METTL15: variants seen among roughly 807,000 people sequenced by gnomAD.
METTL15 encodes 12S rRNA N(4)-cytidine methyltransferase METTL15.
In METTL15, 34 loss-of-function variants were observed where a neutral mutation model predicts 38.3. The observed-to-expected ratio is 0.89, with a 90% CI of 0.68 to 1.18. METTL15 has a LOEUF of 1.18. METTL15 is among the 50% of genes most tolerant of loss of function. The pLI is 0.00. For missense variants in METTL15, 438 were observed against 498.4 expected, an observed-to-expected ratio of 0.88 and a Z score of 1.15; for synonymous variants, 162 against 170.9, an observed-to-expected ratio of 0.95 and a Z score of 0.41.
intron 4 of METTL15, among the ~76,000 whole-genome samples, chr11:28,280,197 T>C (rs1856001898): frequency 6.6e-6 from 1 of 151,198 alleles, no homozygotes; most frequent in Non-Finnish European, 1.5e-5. Context: ...GTATTTGTGA[T>C]TATTTTATTC....
At chr11:28,451,584 C>T (rs940963123) in intron 6 of METTL15, among the ~76,000 whole-genome samples, 16 of 131,578 alleles carry the variant, frequency 1.2e-4, no homozygotes, top group African/African-American at 4.5e-4. Context: ...GACTCCGTCT[C>T]AAAAAAAAAA....
At chr11:28,512,721 A>G (rs942838584) in intron 6 of METTL15, among the ~76,000 whole-genome samples, 1 of 151,448 alleles carries the variant, frequency 6.6e-6, no homozygotes, top group East Asian at 2.0e-4. Context: ...CTCCCTCCAC[A>G]CCCCCCTGCA....
intron 4 of METTL15, among the ~76,000 whole-genome samples, chr11:28,263,736 AAAC>A (rs1480235795): frequency 6.6e-6 from 1 of 152,054 alleles, no homozygotes; most frequent in Non-Finnish European, 1.5e-5. Context: ...GATTTAATGA[AAAC>A]AATAATTTTT....
intron 4 of METTL15, among the ~76,000 whole-genome samples, chr11:28,237,002 T>C (rs1854018309): frequency 6.6e-6 from 1 of 152,178 alleles, no homozygotes; most frequent in African/African-American, 2.4e-5. Context: ...CCTTTGTGGG[T>C]AACCCGATCT....
intron 3 of METTL15, among the ~76,000 whole-genome samples, chr11:28,174,814 C>CAAA (rs66770075): frequency 1.1e-5 from 1 of 91,242 alleles, no homozygotes; most frequent in Non-Finnish European, 2.4e-5. Context: ...GATTCTGTCT[C>CAAA]AAAAAAAAAA....
chr11:28,329,963 GA>G (rs752058644), intron 6 of METTL15, among the ~76,000 whole-genome samples: 7 of 151,996 alleles, frequency 4.6e-5, no homozygotes, highest in Non-Finnish European at 7.4e-5. Context: ...TTTATGTAAT[GA>G]ATTTTCTTTT....
chr11:28,239,869 A>G (rs374720859), intron 4 of METTL15, among the ~76,000 whole-genome samples: 111 of 152,248 alleles, frequency 7.3e-4, no homozygotes, highest in African/African-American at 2.4e-3. Flanking sequence ...ATACAACATC[A>G]CCCTTTGACA....
chr11:28,267,316 T>G (rs1205292596), intron 4 of METTL15, among the ~76,000 whole-genome samples: 3 of 152,254 alleles, frequency 2.0e-5, no homozygotes, highest in Middle Eastern at 3.4e-3. Context: ...GCCTCTGAAT[T>G]AAAGTCAGTG....
At chr11:28,475,437 C>T (rs139661967) in intron 6 of METTL15, among the ~76,000 whole-genome samples, 85 of 152,262 alleles carry the variant, frequency 5.6e-4, no homozygotes, top group African/African-American at 2.0e-3. Flanking sequence ...GAGTCCAGCC[C>T]CATTTCTAAA....
At chr11:28,408,230 T>C (rs1189221677) in intron 5 of METTL15, among the ~76,000 whole-genome samples, 1 of 152,088 alleles carries the variant, frequency 6.6e-6, no homozygotes, top group East Asian at 1.9e-4. Context: ...CGGTGATGAG[T>C]TGATAGGCGC....
intron 6 of METTL15, among the ~76,000 whole-genome samples, chr11:28,466,817 A>G (rs990711499): frequency 1.3e-5 from 2 of 152,188 alleles, no homozygotes; most frequent in Non-Finnish European, 2.9e-5. Flanking sequence ...AAACAGAAGC[A>G]TTTAGGCTCC....
At chr11:28,307,859 C>T (rs1810613959) in intron 6 of METTL15, among the ~76,000 whole-genome samples, 1 of 151,898 alleles carries the variant, frequency 6.6e-6, no homozygotes, top group African/African-American at 2.4e-5. Context: ...TATTTGGCTA[C>T]ATATATATTT....
chr11:28,508,409 A>T (rs374352072), intron 6 of METTL15, among the ~76,000 whole-genome samples: 8 of 152,262 alleles, frequency 5.3e-5, no homozygotes, highest in African/African-American at 1.9e-4. Flanking sequence ...GTATCTATCC[A>T]TCATTTCTAT....
rs746794320 is a variant in METTL15 at position 28,218,315 on chromosome 11, A to G, written c.407+7117A>G. 3.3e-5 allele frequency among the ~76,000 whole-genome samples: 5 copies of G among 152,188 alleles called. No individual in the cohort carries two copies. The South Asian group carries it at 8.3e-4, about 25-fold the overall frequency. On this transcript the variant is annotated intron_variant, in intron 4 of 6. Coordinates refer to ENST00000407364, the MANE Select transcript of METTL15 (RefSeq NM_001113528.2). ...ATTCCTAGGTGTGTTATTCTCTTTG[A>G]AGCAATTGTGAATGGGAGTTCACTC...
chr11:28,485,240 A>C (rs373108253), intron 6 of METTL15, among the ~76,000 whole-genome samples: 1 of 48,630 alleles, frequency 2.1e-5, no homozygotes, highest in African/African-American at 5.1e-5. Context: ...GAATGCAAGA[A>C]AAGAAAAGAA....
chr11:28,320,375 G>A (rs182391273), intron 6 of METTL15, among the ~76,000 whole-genome samples: 1 of 151,672 alleles, frequency 6.6e-6, no homozygotes, highest in African/African-American at 2.4e-5. Flanking sequence ...CCTAGGCAAC[G>A]TAGCGAGACC....
At chr11:28,397,789 T>A (rs1339807237) in intron 5 of METTL15, among the ~76,000 whole-genome samples, 1 of 152,102 alleles carries the variant, frequency 6.6e-6, no homozygotes, top group African/African-American at 2.4e-5. Context: ...CACATGCACA[T>A]GTATGTTTAT....
At chr11:28,464,156 C>T (rs1489764732) in intron 6 of METTL15, among the ~76,000 whole-genome samples, 1 of 152,074 alleles carries the variant, frequency 6.6e-6, no homozygotes, top group Non-Finnish European at 1.5e-5. Context: ...ATGCAGAAAG[C>T]CTTAGTTCAT....
At position 28,406,881 on chromosome 11, in the gene METTL15, G is replaced by A. The variant is rs772456439; in HGVS notation, c.*359-17418G>A. ...CCCATCAATACCTAACTTATTGAGA[G>A]TTTTTAGCATGAAGGAATGTTGAAT... On this transcript the variant is annotated intron_variant and NMD_transcript_variant, in intron 5 of 7. Transcript: ENST00000532947. 4.6e-5 allele frequency among the ~76,000 whole-genome samples: 7 copies of A among 152,276 alleles called. No individual in the cohort carries two copies. The South Asian group carries it at 1.2e-3, about 27-fold the overall frequency.
Sources: allele counts gnomAD v4.1 joint callset (sites outside exome capture counted in the v4.1 genomes callset), GRCh38; gene constraint gnomAD v4.1.1; transcripts MANE v1.5; gene names NCBI Gene and HGNC (gene_info 2026-07-23, HGNC 2026-07-21).